TRIOBP: variants seen among roughly 807,000 people sequenced by gnomAD.
TRIOBP encodes TRIO and F-actin-binding protein.
TRIOBP carries 169 observed loss-of-function variants against 238.8 expected under a neutral mutation model. That is an observed-to-expected ratio of 0.71 (90% CI 0.62 to 0.80). TRIOBP has a LOEUF of 0.80. Among genes scored for constraint, TRIOBP ranks in the 30% least tolerant of loss-of-function variants. The pLI is 0.00. For synonymous variants in TRIOBP, 1,150 were observed against 1,274.4 expected (o/e 0.90, Z 2.08); for missense variants, 2,838 against 3,122.6 (o/e 0.91, Z 2.17).
At chr22:37,747,561 C>T (rs1443951742) in intron 11 of TRIOBP, among the ~76,000 whole-genome samples, 3 of 152,218 alleles carry the variant, frequency 2.0e-5, no homozygotes, top group Admixed American at 2.0e-4. Flanking sequence ...GACATCCTGC[C>T]ACCTCCCTGC....
rs1454048325 is a variant in TRIOBP at position 37,726,450 on chromosome 22, C to T, written c.3894C>T (p.Arg1298=). 3.8e-6 allele frequency: 6 copies of T among 1,571,028 alleles called. No individual in the cohort carries two copies. Among genetic ancestry groups the T allele is most frequent in the Non-Finnish European group, 5.2e-6 (6 of 1,162,576 alleles). ...AGGCGCAGTGCAGCAGCGGGGGCCG[C>T]ACCCACAGCCCTGGCCGTGCAGAGG... ...GPQAQCSSGG[R]THSPGRAEVE... is the part of the protein sequence containing the mutation. Residue 1298 remains arginine (R), a synonymous_variant, in exon 7 of 24, where the codon CGC becomes CGT. Transcript: ENST00000644935.
chr22:37,736,183 ATTC>A (rs2145843828), intron 9 of TRIOBP, among the ~76,000 whole-genome samples: 1 of 152,322 alleles, frequency 6.6e-6, no homozygotes, highest in Admixed American at 6.5e-5. Context: ...AGCCCAGAAC[ATTC>A]TTCATCTGAA....
chr22:37,759,441 G>C, intron 17 of TRIOBP, 177 bp downstream of exon 17: 2 of 1,434,940 alleles, frequency 1.4e-6, no homozygotes, highest in Admixed American at 1.7e-5. Flanking sequence ...CACTGTGCCC[G>C]TTTTACAGAC....
At chr22:37,717,789 TC>T (rs1923600882) in intron 6 of TRIOBP, among the ~76,000 whole-genome samples, 2 of 152,250 alleles carry the variant, frequency 1.3e-5, no homozygotes, top group Non-Finnish European at 2.9e-5. Flanking sequence ...CCAGTGGATC[TC>T]GTTCTGGGGC....
intron 19 of TRIOBP, among the ~76,000 whole-genome samples, chr22:37,768,821 A>G (rs919401827): frequency 2.0e-5 from 3 of 151,456 alleles, no homozygotes; most frequent in African/African-American, 7.3e-5. Context: ...AAAAAAAAAA[A>G]GATGGGCTCC....
rs1449438617 is a variant in TRIOBP, at chr22:37,710,546, C to T, written c.234C>T (p.Gly78=). The stretch of plus-strand genomic sequence containing the variant: ...GCTGCCAGTCTGTGGTGGACCCAGG[C>T]CTCAGGCCAGGGCCCAAGAGGTGGG... ...TSGCQSVVDP[G]LRPGPKRGPS... The change falls in exon 4 of 24, where the codon GGC becomes GGT. Residue 78 remains glycine (G), a synonymous_variant. Transcript: ENST00000644935. 6.2e-7 allele frequency: 1 copy of T among 1,611,574 alleles called. No homozygotes were observed. Among genetic ancestry groups the T allele is most frequent in the Non-Finnish European group, 8.5e-7 (1 of 1,179,854 alleles).
chr22:37,718,126 C>T (rs894785675), intron 6 of TRIOBP, among the ~76,000 whole-genome samples: 3 of 152,170 alleles, frequency 2.0e-5, no homozygotes, highest in African/African-American at 7.2e-5. Context: ...GCCAGCCGGC[C>T]GCTCCGAGTG....
chr22:37,759,735 C>T (rs918580108), intron 17 of TRIOBP: 2 of 1,457,200 alleles, frequency 1.4e-6, no homozygotes, highest in African/African-American at 2.8e-5. Context: ...AGAGAATGCA[C>T]CGTCCGCCTA....
intron 3 of TRIOBP, among the ~76,000 whole-genome samples, chr22:37,706,074 A>G (rs757532470): frequency 1.1e-4 from 16 of 152,114 alleles, no homozygotes; most frequent in Non-Finnish European, 1.8e-4. Flanking sequence ...ACATTTCCGA[A>G]CTAATTGAGC....
rs1924093292 is a variant in TRIOBP at position 37,725,544 on chromosome 22, C to G, written c.2988C>G (p.Tyr996Ter). 1 of 1,613,736 alleles carries G rather than the reference C, an allele frequency of 6.2e-7. No homozygotes were observed. The highest frequency in any genetic ancestry group is 8.5e-7 in the Non-Finnish European group (1 of 1,179,996). The change falls in exon 7 of 24, where the codon TAC (tyrosine) becomes TAG (stop). Residue 996 changes from tyrosine to a stop codon, truncating the protein, a stop_gained. Coordinates refer to ENST00000644935, the MANE Select transcript of TRIOBP (RefSeq NM_001039141.3). LOFTEE classifies it high-confidence loss of function. ...CCTCCCGAACTTCCTCACCTGTGTACCCCGCTGCCTATGGGGCTCCCCTGA... is the reference window on the plus strand; with the variant it reads ...CCTCCCGAACTTCCTCACCTGTGTAGCCCGCTGCCTATGGGGCTCCCCTGA... ...QSTSRTSSPVYPAAYGAPLTS... is the reference protein window; with the variant it reads ...QSTSRTSSPV
rs779949909 is a variant in TRIOBP at position 37,757,793 on chromosome 22, G to A, written c.5868G>A (p.Pro1956=). 14 of 1,547,724 alleles carry A rather than the reference G, an allele frequency of 9.0e-6. No individual in the cohort carries two copies. Among genetic ancestry groups the A allele is most frequent in the African/African-American group, 4.1e-5 (3 of 73,050 alleles). The change falls in exon 16 of 24, where the codon CCG becomes CCA. Residue 1956 remains proline, a synonymous_variant. Transcript: ENST00000644935. ...VELSPLTQAS[P]QRARTPARTP... ...TCTCGCCGCTGACCCAGGCTTCCCCGCAGCGGGCCCGCACCCCAGCCCGCA... is the reference window on the plus strand; with the variant it reads ...TCTCGCCGCTGACCCAGGCTTCCCCACAGCGGGCCCGCACCCCAGCCCGCA...
chr22:37,733,523 G>A (rs975155787), intron 8 of TRIOBP, 111 bp downstream of exon 8: 2 of 842,054 alleles, frequency 2.4e-6, no homozygotes, highest in Non-Finnish European at 3.9e-6. Flanking sequence ...TCTATGAAAG[G>A]GTCGGAGTCC....
chr22:37,773,037 G>A (rs1275174471), intron 23 of TRIOBP, among the ~76,000 whole-genome samples: 1 of 152,216 alleles, frequency 6.6e-6, no homozygotes, highest in Non-Finnish European at 1.5e-5. Context: ...CCTTCTTGGG[G>A]CTGGAGGCAA....
At chr22:37,768,221 G>A (rs1196947328) in intron 19 of TRIOBP, 45 bp downstream of exon 19, 1 of 1,533,576 alleles carries the variant, frequency 6.5e-7, no homozygotes, top group East Asian at 2.3e-5. Context: ...ATGGTTATGG[G>A]TTGAGGAACT....
intron 7 of TRIOBP, 25 bp from the exon 8 acceptor site, chr22:37,733,273 G>C: frequency 6.6e-7 from 1 of 1,519,248 alleles, no homozygotes; most frequent in East Asian, 2.5e-5. Flanking sequence ...CAGTCCCTCA[G>C]AGGAGTGGCT....
chr22:37,768,141 C>T lies in TRIOBP; in HGVS notation c.6540C>T (p.Leu2180=). The part of the protein sequence containing the change: ...LSRELSKTRS[L]QQGPDGLRKQ... ...GAGAGCTGAGCAAAACACGGAGTCT[C>T]CAGCAGGGCCCGGATGGCCTCCGGA... The change falls in exon 19 of 24, where the codon CTC becomes CTT. Residue 2180 remains leucine (L), a synonymous_variant. Coordinates refer to ENST00000644935, the MANE Select transcript of TRIOBP (RefSeq NM_001039141.3). The T allele has an allele frequency of 6.2e-7, 1 of 1,613,530 alleles. No individual in the cohort carries two copies. The highest frequency in any genetic ancestry group is 8.5e-7 in the Non-Finnish European group (1 of 1,179,780).
In TRIOBP at chr22:37,740,982, A is replaced by G. The variant is rs1296808679; in HGVS notation, c.5272A>G (p.Thr1758Ala). Residue 1758 changes from threonine (T) to alanine (A), a missense_variant, in exon 11 of 24, where the codon ACG becomes GCG. Physicochemically the swap from Thr to Ala is moderately conservative, Grantham distance 58. Transcript: ENST00000644935. Reference sequence around the variant, plus strand: ...ATGGCGGATGCCCGGGGACCGGCCCACGCTGTTCAATCCGTTCCTGCTGTC... The same window carrying G: ...ATGGCGGATGCCCGGGGACCGGCCCGCGCTGTTCAATCCGTTCCTGCTGTC... ...TSWRMPGDRPTLFNPFLLSLG... is the reference protein window; with the variant it reads ...TSWRMPGDRPALFNPFLLSLG... 4 of 1,560,276 alleles carry G rather than the reference A, an allele frequency of 2.6e-6. No individual in the cohort carries two copies. In the African/African-American group the frequency reaches 5.4e-5, roughly 21 times the overall value.
intron 18 of TRIOBP, 88 bp from the exon 19 acceptor site, chr22:37,767,986 C>G: frequency 4.1e-6 from 4 of 983,092 alleles, no homozygotes; most frequent in Non-Finnish European, 6.4e-6. Context: ...TAGTACTCCA[C>G]CAGTACATGT....
Position 37,715,813 on chromosome 22 carries a change from G to A in TRIOBP, c.507G>A (p.Glu169=). 3.1e-6 allele frequency: 5 copies of A among 1,614,128 alleles called. No homozygotes were observed. Among genetic ancestry groups the A allele is most frequent in the Non-Finnish European group, 4.2e-6 (5 of 1,180,018 alleles). ...AGGAGGAGGCCCCCAGCTGGGACGAGCTCGCAGTGATGATCCCGAGGAGGC... is the reference window on the plus strand; with the variant it reads ...AGGAGGAGGCCCCCAGCTGGGACGAACTCGCAGTGATGATCCCGAGGAGGC... ...RQEEEAPSWD[E]LAVMIPRRPR... The change falls in exon 6 of 24, where the codon GAG becomes GAA. Residue 169 remains glutamate (E), a synonymous_variant. Coordinates refer to ENST00000644935, the MANE Select transcript of TRIOBP (RefSeq NM_001039141.3).
Sources: gnomAD v4.1 joint callset for allele counts (sites outside exome capture counted in the v4.1 genomes callset) on GRCh38, gnomAD v4.1.1 for gene constraint, MANE v1.5 for transcripts, NCBI Gene and HGNC (gene_info 2026-07-23, HGNC 2026-07-21) for gene names.